Variants in CDH6 observed in about 807,000 individuals in gnomAD.
The protein encoded by CDH6 is cadherin 6, also known as cadherin-6.
In CDH6, 31 loss-of-function variants were observed where a neutral mutation model predicts 78.0. The ratio of observed to expected loss-of-function variants is 0.40; its 90% CI spans 0.30 to 0.54. The LOEUF (loss-of-function observed/expected upper bound fraction) is 0.54. Among genes scored for constraint, CDH6 ranks in the 20% least tolerant of loss-of-function variants. The probability of loss-of-function intolerance (pLI) is 0.56; values close to 1 mark genes in which losing one functional copy is unlikely to be tolerated. For missense variants in CDH6, 724 were observed against 975.9 expected, an observed-to-expected ratio of 0.74 and a Z score of 3.44; for synonymous variants, 376 against 368.8, an observed-to-expected ratio of 1.02 and a Z score of -0.23.
intron 1 of CDH6, among the ~76,000 whole-genome samples, chr5:31,198,931 G>A (rs1224263296): frequency 6.6e-6 from 1 of 151,990 alleles, no homozygotes; most frequent in Non-Finnish European, 1.5e-5. Context: ...TTAACTGGAG[G>A]AATATCTTTT....
chr5:31,227,267 C>G (rs1741180040), intron 1 of CDH6, among the ~76,000 whole-genome samples: 1 of 152,248 alleles, frequency 6.6e-6, no homozygotes. Flanking sequence ...CTCCCAAACC[C>G]TCCTCACCCT....
At chr5:31,305,467 A>G in intron 7 of CDH6, 40 bp downstream of exon 7, 1 of 1,577,158 alleles carries the variant, frequency 6.3e-7, no homozygotes, top group South Asian at 1.2e-5. Flanking sequence ...CATAAGCTTC[A>G]GTCAATTTAT....
At chr5:31,265,333 T>C (rs1579863836) in intron 1 of CDH6, among the ~76,000 whole-genome samples, 2 of 152,234 alleles carry the variant, frequency 1.3e-5, no homozygotes, top group Non-Finnish European at 2.9e-5. Flanking sequence ...TACTGTTGCC[T>C]GGCATTTTTC....
chr5:31,236,946 C>A (rs1741469878), intron 1 of CDH6, among the ~76,000 whole-genome samples: 1 of 152,028 alleles, frequency 6.6e-6, no homozygotes, highest in Non-Finnish European at 1.5e-5. Flanking sequence ...TGGTAAGGAG[C>A]AAAATTTGTC....
chr5:31,288,253 C>G (rs780297321), intron 2 of CDH6, among the ~76,000 whole-genome samples: 4 of 152,244 alleles, frequency 2.6e-5, no homozygotes, highest in Non-Finnish European at 5.9e-5. Context: ...CAATCATATG[C>G]TGCCATCAGC....
intron 7 of CDH6, among the ~76,000 whole-genome samples, chr5:31,309,915 T>C (rs1413437142): frequency 6.6e-6 from 1 of 152,182 alleles, no homozygotes. Context: ...CTCTGACACA[T>C]GGGGATTACA....
chr5:31,302,895 G>GAA (rs1383970026), intron 6 of CDH6, among the ~76,000 whole-genome samples: 1 of 91,240 alleles, frequency 1.1e-5, no homozygotes, highest in African/African-American at 4.3e-5. Context: ...AGGAAAGAAA[G>GAA]AAAGAAAAAA....
intron 1 of CDH6, among the ~76,000 whole-genome samples, chr5:31,254,027 A>C (rs1741984004): frequency 6.6e-6 from 1 of 152,190 alleles, no homozygotes; most frequent in Non-Finnish European, 1.5e-5. Flanking sequence ...TAATTCATAA[A>C]TTTTAAGCTG....
At chr5:31,238,091 C>A (rs545322958) in intron 1 of CDH6, among the ~76,000 whole-genome samples, 4 of 152,258 alleles carry the variant, frequency 2.6e-5, no homozygotes, top group South Asian at 2.1e-4. Context: ...AAATTAGGAC[C>A]ATCTAAATCT....
At chr5:31,206,101 A>G (rs1297342093) in intron 1 of CDH6, among the ~76,000 whole-genome samples, 2 of 152,174 alleles carry the variant, frequency 1.3e-5, no homozygotes, top group African/African-American at 2.4e-5. Flanking sequence ...TTTGTGCTCT[A>G]TATACATGTA....
At chr5:31,270,781 C>G (rs1742510265) in intron 2 of CDH6, among the ~76,000 whole-genome samples, 1 of 152,050 alleles carries the variant, frequency 6.6e-6, no homozygotes, top group African/African-American at 2.4e-5. Context: ...ACTGCAGCCT[C>G]GACTTCCTGG....
At chr5:31,314,415 T>G (rs1163643957) in intron 8 of CDH6, among the ~76,000 whole-genome samples, 1 of 151,204 alleles carries the variant, frequency 6.6e-6, no homozygotes, top group Non-Finnish European at 1.5e-5. Flanking sequence ...TTCTAAACAT[T>G]TTTAGCTCAC....
intron 1 of CDH6, among the ~76,000 whole-genome samples, chr5:31,244,994 A>C (rs1579846404): frequency 6.6e-6 from 1 of 152,188 alleles, no homozygotes; most frequent in Non-Finnish European, 1.5e-5. Flanking sequence ...ATTTATCCTT[A>C]CTAGCAACTT....
chr5:31,323,277 A>G lies in CDH6; in HGVS notation c.2342A>G (p.Tyr781Cys). 1 of 1,613,098 alleles carries G rather than the reference A, an allele frequency of 6.2e-7. No homozygotes were observed. The highest frequency in any genetic ancestry group is 1.7e-5 in the Admixed American group (1 of 60,006). The part of the protein sequence containing the change: ...GPRFKKLADM[Y>C]GGVDSDKDS ...CGATTCAAAAAGCTTGCAGATATGT[A>G]TGGAGGAGTGGACAGTGACAAAGAC... Residue 781 changes from tyrosine (Y) to cysteine (C), a missense_variant, in exon 12 of 12, where the codon TAT becomes TGT. Physicochemically the swap from Tyr to Cys is radical, Grantham distance 194. Around this residue, in one of 3 missense-constraint regions of CDH6, gnomAD observed 220 missense variants for 240.6 expected, o/e 0.91. Coordinates refer to ENST00000265071, the MANE Select transcript of CDH6 (RefSeq NM_004932.4).
intron 1 of CDH6, among the ~76,000 whole-genome samples, chr5:31,224,291 G>T (rs1284478833): frequency 6.6e-6 from 1 of 152,078 alleles, no homozygotes; most frequent in Non-Finnish European, 1.5e-5. Flanking sequence ...CGTGAGAAGA[G>T]CACAAGAAAT....
intron 1 of CDH6, among the ~76,000 whole-genome samples, chr5:31,216,137 C>CTT (rs34235749): frequency 5.4e-5 from 8 of 148,058 alleles, no homozygotes; most frequent in South Asian, 4.3e-4. Context: ...ATACATCTGA[C>CTT]TTTTTTTTTT....
At chr5:31,300,310 T>G (rs1415653494) in intron 5 of CDH6, among the ~76,000 whole-genome samples, 1 of 152,078 alleles carries the variant, frequency 6.6e-6, no homozygotes, top group Non-Finnish European at 1.5e-5. Flanking sequence ...AGGAACAAAA[T>G]CCCTTTGGGA....
chr5:31,265,453 G>A (rs549023406), intron 1 of CDH6, among the ~76,000 whole-genome samples: 21 of 152,132 alleles, frequency 1.4e-4, no homozygotes, highest in South Asian at 2.1e-4. Flanking sequence ...TTAAAATGCC[G>A]AATACTATAA....
intron 6 of CDH6, among the ~76,000 whole-genome samples, chr5:31,304,185 A>AC (rs201660721): frequency 9.6e-5 from 11 of 114,436 alleles, no homozygotes; most frequent in African/African-American, 2.6e-4. Flanking sequence ...AACAACAACA[A>AC]AAAAAAAAAA....
Sources: allele counts gnomAD v4.1 joint callset (sites outside exome capture counted in the v4.1 genomes callset), GRCh38; gene constraint gnomAD v4.1.1; regional missense constraint gnomAD v4.1.1; transcripts MANE v1.5; gene names NCBI Gene and HGNC (gene_info 2026-07-23, HGNC 2026-07-21).